Variants in CELF2 observed in about 807,000 individuals in gnomAD.
CELF2 encodes CUGBP Elav-like family member 2.
In CELF2, 8 loss-of-function variants were observed where a neutral mutation model predicts 62.6. The ratio of observed to expected loss-of-function variants is 0.13; its 90% CI spans 0.07 to 0.23. The LOEUF is 0.23. Among genes scored for constraint, CELF2 ranks in the 10% least tolerant of loss-of-function variants. The pLI is 1.00. For missense variants in CELF2, 333 were observed against 671.0 expected, an observed-to-expected ratio of 0.50 and a Z score of 5.56; for synonymous variants, 258 against 250.0, an observed-to-expected ratio of 1.03 and a Z score of -0.30.
chr10:11,287,864 G>A (rs1193850135), intron 8 of CELF2, among the ~76,000 whole-genome samples: 2 of 152,228 alleles, frequency 1.3e-5, no homozygotes, highest in African/African-American at 4.8e-5. Flanking sequence ...GCCATTCACT[G>A]TCAAGAAATA....
At chr10:11,136,923 ATAT>A (rs1206775599) in intron 1 of CELF2, among the ~76,000 whole-genome samples, 1 of 152,238 alleles carries the variant, frequency 6.6e-6, no homozygotes, top group Non-Finnish European at 1.5e-5. Flanking sequence ...TGCTGACTTA[ATAT>A]TATCCAACCA....
the CELF2 span, among the ~76,000 whole-genome samples, chr10:10,579,730 G>A: frequency 6.6e-6 from 1 of 151,998 alleles, no homozygotes; most frequent in African/African-American, 2.4e-5. Context: ...TTGAAGAAAT[G>A]TTTCATCTCC....
chr10:10,993,208 C>T lies in CELF2; in HGVS notation c.89+73209C>T, dbSNP rs1052328141. On this transcript the variant is annotated intron_variant, in intron 2 of 13. Transcript: ENST00000636488. The surrounding 1 kb of genome is among the most constrained non-coding windows in gnomAD (Gnocchi z 5.3). ...GCTTCCCTTCTGTCCTTCAGATCTC[C>T]CAAGAATCTTGTGTCTCACCCTAAC... is the stretch of plus-strand genomic sequence containing the variant. Among the ~76,000 whole-genome samples, 30 of 152,044 alleles carry T rather than the reference C, an allele frequency of 2.0e-4. No individual in the cohort carries two copies. The highest frequency in any genetic ancestry group is 7.0e-4 in the African/African-American group (29 of 41,474).
chr10:11,306,326 CT>C lies in CELF2; in HGVS notation c.977-7812del, dbSNP rs923096232. ...AAGTGAGAAAGCGTAGGGTACAGTT[CT>C]CAGCACAGACTGAAGGAATCTGAGG... On this transcript the variant is annotated intron_variant, in intron 9 of 12. Transcript: ENST00000633077. The surrounding 1 kb of genome is among the most constrained non-coding windows in gnomAD (Gnocchi z 4.4). 2.0e-5 allele frequency among the ~76,000 whole-genome samples: 3 copies of C among 152,032 alleles called. No homozygotes were observed. The highest frequency in any genetic ancestry group is 4.4e-5 in the Non-Finnish European group (3 of 68,014).
the CELF2 span, among the ~76,000 whole-genome samples, chr10:10,621,243 CA>C: frequency 0.11 from 4,801 of 45,380 alleles, 44 homozygotes; most frequent in Middle Eastern, 0.15. Context: ...GACTCTGACT[CA>C]AAAAAAAAAA....
intron 1 of CELF2, among the ~76,000 whole-genome samples, chr10:10,869,327 G>A (rs1009238736): frequency 6.6e-6 from 1 of 152,154 alleles, no homozygotes; most frequent in African/African-American, 2.4e-5. Flanking sequence ...ACTTTGGGAG[G>A]CCAAGGCGGG....
the CELF2 span, among the ~76,000 whole-genome samples, chr10:10,476,489 A>C: frequency 6.6e-6 from 1 of 152,176 alleles, no homozygotes; most frequent in African/African-American, 2.4e-5. Context: ...TATCAAAGTA[A>C]TGCCATCTGG....
rs555068645 is a variant in CELF2, at chr10:11,336,283, T to C, written c.*7230T>C. On this transcript the variant is annotated 3_prime_UTR_variant, in exon 13 of 13. Coordinates refer to ENST00000633077, the MANE Select transcript of CELF2 (RefSeq NM_001326342.2). This position sits in a 1 kb window ranked among gnomAD's most constrained non-coding sequence, Gnocchi z 5.4. ...CGACTGTTCTGCTAATTTGCTGTTG[T>C]TGTTTTTCATCTCTGTTGTAGTTCA... 2 of 152,828 alleles carry C rather than the reference T, an allele frequency of 1.3e-5. No individual in the cohort carries two copies. The highest frequency in any genetic ancestry group is 1.9e-4 in the East Asian group (1 of 5,190). 9.5% of individuals were successfully genotyped at this position (152,828 alleles called of 1,614,324 possible). A position where few individuals can be genotyped will look rare whatever the true frequency, so the allele number is the denominator to read the frequency against.
the CELF2 span, among the ~76,000 whole-genome samples, chr10:10,766,793 C>T: frequency 7.4e-3 from 1,123 of 152,346 alleles, 17 homozygotes; most frequent in African/African-American, 0.026. Flanking sequence ...AGAGCTGCCA[C>T]TTCAATGGTG....
At chr10:11,038,922 G>T (rs918499697) in intron 1 of CELF2, among the ~76,000 whole-genome samples, 8 of 152,274 alleles carry the variant, frequency 5.3e-5, no homozygotes, top group Non-Finnish European at 2.9e-5. Context: ...AGTTAAAAAT[G>T]GAAATTTTTA....
the CELF2 span, among the ~76,000 whole-genome samples, chr10:10,725,898 T>TA: frequency 0.028 from 4,043 of 145,472 alleles, 190 homozygotes; most frequent in East Asian, 0.18. Flanking sequence ...ATTCTACAAT[T>TA]AAAAAAAAAA....
chr10:11,147,779 G>A (rs981612907), intron 1 of CELF2, among the ~76,000 whole-genome samples: 4 of 152,254 alleles, frequency 2.6e-5, no homozygotes, highest in Admixed American at 6.5e-5. Flanking sequence ...TTATCTCCAC[G>A]GCATAGAGTT....
At chr10:10,745,598 T>C in the CELF2 span, among the ~76,000 whole-genome samples, 1 of 152,172 alleles carries the variant, frequency 6.6e-6, no homozygotes, top group Admixed American at 6.5e-5. Flanking sequence ...GTTAGTATAA[T>C]TTTAAACCAG....
intron 8 of CELF2, among the ~76,000 whole-genome samples, chr10:11,287,891 A>G (rs1199414580): frequency 6.6e-6 from 1 of 152,228 alleles, no homozygotes; most frequent in Admixed American, 6.5e-5. Context: ...CAGGCTTAGA[A>G]CCCATACCAG....
chr10:10,693,420 T>G, the CELF2 span, among the ~76,000 whole-genome samples: 1 of 150,264 alleles, frequency 6.7e-6, no homozygotes, highest in African/African-American at 2.5e-5. Flanking sequence ...GCCAGTATTT[T>G]ATTGAGGATT....
chr10:11,059,314 C>A (rs1221531645), intron 1 of CELF2, among the ~76,000 whole-genome samples: 1 of 152,126 alleles, frequency 6.6e-6, no homozygotes, highest in Non-Finnish European at 1.5e-5. Context: ...GGGTGGAAAA[C>A]CTGTGCTTGA....
At chr10:10,696,262 G>C in the CELF2 span, among the ~76,000 whole-genome samples, 4 of 151,854 alleles carry the variant, frequency 2.6e-5, no homozygotes, top group East Asian at 1.9e-4. Flanking sequence ...GTACCCTGCC[G>C]TGTGAGGTGT....
chr10:10,580,427 A>C, the CELF2 span, among the ~76,000 whole-genome samples: 3 of 152,154 alleles, frequency 2.0e-5, no homozygotes, highest in Admixed American at 2.0e-4. Flanking sequence ...GAATGACTAT[A>C]AGAAATCCTT....
chr10:11,154,132 C>T (rs181559405), intron 1 of CELF2, among the ~76,000 whole-genome samples: 4 of 152,314 alleles, frequency 2.6e-5, no homozygotes, highest in Admixed American at 2.6e-4. Flanking sequence ...TAATGATATT[C>T]AGCTTCTTAG....
Sources: allele counts gnomAD v4.1 joint callset (sites outside exome capture counted in the v4.1 genomes callset), GRCh38; gene constraint gnomAD v4.1.1; non-coding constraint Gnocchi (gnomAD v3.1); transcripts MANE v1.5; gene names NCBI Gene and HGNC (gene_info 2026-07-23, HGNC 2026-07-21).